Variants in DPF3 observed in about 807,000 individuals in gnomAD.
DPF3 encodes the protein double PHD fingers 3, also known as zinc finger protein DPF3.
In DPF3, 18 loss-of-function variants were observed where a neutral mutation model predicts 56.8. That is an observed-to-expected ratio of 0.32 (90% CI 0.22 to 0.47). The LOEUF is 0.47. Ranked by LOEUF, DPF3 falls within the 20% of genes least tolerant of loss-of-function variation. The pLI, the probability that DPF3 is intolerant of heterozygous loss-of-function variation, is 1.00. For synonymous variants in DPF3, 188 were observed against 180.2 expected, an observed-to-expected ratio of 1.04 and a Z score of -0.35; for missense variants, 403 against 488.8, an observed-to-expected ratio of 0.82 and a Z score of 1.65.
Position 72,611,582 on chromosome 14 carries a change from C to T in DPF3, c.*7715G>A, listed in dbSNP as rs17118542. Among the ~76,000 whole-genome samples the T allele has an allele frequency of 0.041, 6,191 of 152,198 alleles. 450 individuals carry two copies. The highest frequency in any genetic ancestry group is 0.14 in the African/African-American group (5,887 of 41,496). ...CCACTGTGGGGGTCATTTTCTGCCT[C>T]TGATCAGGCCCTGCCAGTTGCACCT... On this transcript the variant is annotated 3_prime_UTR_variant, in exon 11 of 11. Transcript: ENST00000556509.
intron 2 of DPF3, among the ~76,000 whole-genome samples, chr14:72,758,381 G>A (rs796283051): frequency 2.8e-4 from 42 of 152,282 alleles, no homozygotes; most frequent in African/African-American, 9.9e-4. Context: ...ACAAGGAGGA[G>A]GAATACAGGT....
chr14:72,756,906 A>AG (rs1890844241), intron 2 of DPF3, among the ~76,000 whole-genome samples: 1 of 74,660 alleles, frequency 1.3e-5, no homozygotes, highest in African/African-American at 6.7e-5. Flanking sequence ...AGAAAAGAAA[A>AG]AAAGAAAGAA....
chr14:72,815,898 T>C (rs116354939), intron 1 of DPF3, among the ~76,000 whole-genome samples: 2,964 of 152,256 alleles, frequency 0.019, 124 homozygotes, highest in African/African-American at 0.068. Context: ...ATCTTCTATC[T>C]AACTGCTTAA....
chr14:72,802,793 C>T (rs536857978), intron 1 of DPF3, among the ~76,000 whole-genome samples: 1 of 152,296 alleles, frequency 6.6e-6, no homozygotes, highest in East Asian at 1.9e-4. Context: ...AGTGCTATTC[C>T]TCACGGTGAA....
intron 1 of DPF3, among the ~76,000 whole-genome samples, chr14:72,776,098 G>C (rs1017183534): frequency 6.6e-6 from 1 of 152,126 alleles, no homozygotes; most frequent in African/African-American, 2.4e-5. Context: ...CTCATCTGTG[G>C]AGTGGTGACC....
chr14:72,662,290 A>AT (rs1886249654), intron 8 of DPF3: 1 of 984,978 alleles, frequency 1.0e-6, no homozygotes, highest in Non-Finnish European at 1.2e-6. Context: ...AATGTGGGGC[A>AT]TTTTTCTTTA....
At position 72,678,629 on chromosome 14, in the gene DPF3, C is replaced by T. The variant is rs528112826; in HGVS notation, c.743-4261G>A. Among the ~76,000 whole-genome samples the T allele has an allele frequency of 1.8e-3, 272 of 152,306 alleles. 1 individual carries two copies. The highest frequency in any genetic ancestry group is 2.4e-3 in the Admixed American group (37 of 15,302). On this transcript the variant is annotated intron_variant, in intron 7 of 10. Transcript: ENST00000556509. ...AAGATTTTACTACAAATAGGAAGCT[C>T]GCCCAGACCTTGTAAGTGGGATTTA...
chr14:72,664,136 G>A (rs1886345385), intron 8 of DPF3, among the ~76,000 whole-genome samples: 1 of 151,904 alleles, frequency 6.6e-6, no homozygotes, highest in Non-Finnish European at 1.5e-5. Context: ...GACCTTTCCT[G>A]GGACCTCCCA....
At chr14:72,630,084 G>C (rs1885085374) in intron 8 of DPF3, among the ~76,000 whole-genome samples, 1 of 152,176 alleles carries the variant, frequency 6.6e-6, no homozygotes, top group African/African-American at 2.4e-5. Context: ...ACACCAGTGG[G>C]ACCCTCCAAG....
intron 3 of DPF3, among the ~76,000 whole-genome samples, chr14:72,734,854 C>G (rs1889823801): frequency 6.6e-6 from 1 of 152,190 alleles, no homozygotes; most frequent in Non-Finnish European, 1.5e-5. Flanking sequence ...TAGGCTGAGC[C>G]CTGAATGAGC....
chr14:72,873,532 A>G (rs955205745), intron 1 of DPF3, among the ~76,000 whole-genome samples: 2 of 152,258 alleles, frequency 1.3e-5, no homozygotes, highest in Non-Finnish European at 2.9e-5. Context: ...TCAGGGATCT[A>G]GAACTAGAAA....
chr14:72,704,243 A>G lies in DPF3; in HGVS notation c.604+10180T>C, dbSNP rs531808808. On this transcript the variant is annotated intron_variant, in intron 6 of 10. Transcript: ENST00000556509. ...GTCCTGCGTTAGCATGTCCTTAATG[A>G]GCTTAAATTAAGAGTGAAACTGAAT... Among the ~76,000 whole-genome samples the G allele has an allele frequency of 2.6e-5, 4 of 152,356 alleles. No individual in the cohort carries two copies. The East Asian group carries it at 7.7e-4, about 29-fold the overall frequency.
intron 8 of DPF3, chr14:72,670,941 G>A (rs1048561184): frequency 7.6e-7 from 1 of 1,316,802 alleles, no homozygotes; most frequent in Non-Finnish European, 9.7e-7. Context: ...AGTAGTTTGT[G>A]CTTCTGTTGT....
chr14:72,713,089 C>T (rs566247119), intron 6 of DPF3, among the ~76,000 whole-genome samples: 2 of 152,332 alleles, frequency 1.3e-5, no homozygotes, highest in African/African-American at 2.4e-5. Context: ...TGAAACTGAA[C>T]GCCATGTAGG....
intron 8 of DPF3, among the ~76,000 whole-genome samples, chr14:72,639,139 G>T (rs1182437569): frequency 6.6e-6 from 1 of 152,152 alleles, no homozygotes; most frequent in South Asian, 2.1e-4. Context: ...GTCTAATTTT[G>T]AGTGTTCTTG....
At chr14:72,825,986 A>C (rs533612841) in intron 1 of DPF3, among the ~76,000 whole-genome samples, 38 of 152,160 alleles carry the variant, frequency 2.5e-4, no homozygotes, top group African/African-American at 8.9e-4. Flanking sequence ...GCCATGGAGG[A>C]AAAATACAGA....
chr14:72,820,100 T>C (rs1883467115), intron 1 of DPF3, among the ~76,000 whole-genome samples: 1 of 152,200 alleles, frequency 6.6e-6, no homozygotes, highest in Admixed American at 6.5e-5. Context: ...GTATACACAT[T>C]TGTTAAAATT....
At chr14:72,794,526 A>G (rs1361713376) in intron 1 of DPF3, among the ~76,000 whole-genome samples, 1 of 152,146 alleles carries the variant, frequency 6.6e-6, no homozygotes, top group Non-Finnish European at 1.5e-5. Context: ...TCCGTGACAA[A>G]CCATCCCCAG....
intron 1 of DPF3, among the ~76,000 whole-genome samples, chr14:72,784,609 G>C (rs1164855713): frequency 6.6e-6 from 1 of 152,052 alleles, no homozygotes; most frequent in Non-Finnish European, 1.5e-5. Flanking sequence ...ACCTCATCAA[G>C]AGTCATTTAT....
Sources: gnomAD v4.1 joint callset for allele counts (sites outside exome capture counted in the v4.1 genomes callset) on GRCh38, gnomAD v4.1.1 for gene constraint, MANE v1.5 for transcripts, NCBI Gene and HGNC (gene_info 2026-07-23, HGNC 2026-07-21) for gene names.